ENTREP3: variants seen among roughly 807,000 people sequenced by gnomAD.
The protein encoded by ENTREP3 is protein ENTREP3.
chr1:155,250,364 C>T, the ENTREP3 span: 9 of 1,546,056 alleles, frequency 5.8e-6, no homozygotes, highest in Non-Finnish European at 7.9e-6. This position sits in a 1 kb window ranked among gnomAD's most constrained non-coding sequence, Gnocchi z 5.4. Flanking sequence ...GAGGCCGGTG[C>T]CCCGGTGGGG....
At chr1:155,247,990 A>G in the ENTREP3 span, 27 of 1,611,158 alleles carry the variant, frequency 1.7e-5, no homozygotes, top group Non-Finnish European at 2.1e-5. Context: ...ATCATCAATA[A>G]GGCTCAATCT....
At chr1:155,250,136 G>C in the ENTREP3 span, 1 of 643,586 alleles carries the variant, frequency 1.6e-6, no homozygotes, top group Admixed American at 3.4e-5. The surrounding 1 kb of genome is among the most constrained non-coding windows in gnomAD (Gnocchi z 5.4). Flanking sequence ...TACCTGAGAA[G>C]TGTCTACCAG....
At chr1:155,254,214 G>T in the ENTREP3 span, 1 of 1,588,810 alleles carries the variant, frequency 6.3e-7, no homozygotes, top group Non-Finnish European at 8.6e-7. The surrounding 1 kb of genome is among the most constrained non-coding windows in gnomAD (Gnocchi z 4.4). Flanking sequence ...ACAGGGTGCA[G>T]ACTCAGGGCT....
the ENTREP3 span, chr1:155,251,480 C>T: frequency 6.3e-7 from 1 of 1,586,068 alleles, no homozygotes; most frequent in Non-Finnish European, 8.6e-7. Context: ...CCAGCCCGCC[C>T]CAAGCCGTGC....
At chr1:155,250,648 A>G in the ENTREP3 span, 16 of 1,611,904 alleles carry the variant, frequency 9.9e-6, no homozygotes, top group South Asian at 1.8e-4. The surrounding 1 kb of genome is among the most constrained non-coding windows in gnomAD (Gnocchi z 5.4). Context: ...CGCAGGCCAC[A>G]GTCCAGGCTG....
chr1:155,254,478 G>C, the ENTREP3 span: 20 of 1,613,890 alleles, frequency 1.2e-5, no homozygotes, highest in Non-Finnish European at 1.7e-5. The surrounding 1 kb of genome is among the most constrained non-coding windows in gnomAD (Gnocchi z 4.4). Flanking sequence ...GTGGGCACAG[G>C]CTCAGCCTGG....
At chr1:155,253,789 G>C in the ENTREP3 span, 23 of 1,609,484 alleles carry the variant, frequency 1.4e-5, no homozygotes, top group Admixed American at 3.3e-4. Flanking sequence ...ACACATTATG[G>C]GCCTGTGAGT....
At chr1:155,252,072 G>A in the ENTREP3 span, 11 of 521,766 alleles carry the variant, frequency 2.1e-5, no homozygotes, top group Admixed American at 4.1e-5. Flanking sequence ...TTAACCCCAC[G>A]CTCACCCTGT....
chr1:155,248,396 A>G, the ENTREP3 span: 3 of 1,614,032 alleles, frequency 1.9e-6, no homozygotes, highest in Admixed American at 5.0e-5. Flanking sequence ...CGCAAACCAC[A>G]TGCCTGACCT....
chr1:155,254,732 A>C, the ENTREP3 span: 2 of 1,613,636 alleles, frequency 1.2e-6, no homozygotes, highest in African/African-American at 2.7e-5. The surrounding 1 kb of genome is among the most constrained non-coding windows in gnomAD (Gnocchi z 4.4). Flanking sequence ...GCTGAAGGTG[A>C]CCACCAGGAT....
At chr1:155,248,056 A>T in the ENTREP3 span, 1 of 1,614,226 alleles carries the variant, frequency 6.2e-7, no homozygotes, top group Non-Finnish European at 8.5e-7. Flanking sequence ...CTACCTGCTT[A>T]TGTCCATGAG....
the ENTREP3 span, chr1:155,248,581 C>T: frequency 5.9e-6 from 5 of 850,610 alleles, no homozygotes; most frequent in Non-Finnish European, 9.9e-6. Context: ...AGCTCCCACG[C>T]TCCATCCCCA....
At chr1:155,248,060 C>G in the ENTREP3 span, 9 of 1,614,250 alleles carry the variant, frequency 5.6e-6, no homozygotes, top group Non-Finnish European at 7.6e-6. Context: ...CTGCTTATGT[C>G]CATGAGCTCC....
the ENTREP3 span, chr1:155,254,325 C>T: frequency 6.4e-7 from 1 of 1,563,850 alleles, no homozygotes; most frequent in Non-Finnish European, 8.8e-7. The surrounding 1 kb of genome is among the most constrained non-coding windows in gnomAD (Gnocchi z 4.4). Flanking sequence ...CAGTTCCCTT[C>T]TTGAGGACAT....
At chr1:155,248,008 C>T in the ENTREP3 span, 5 of 1,613,642 alleles carry the variant, frequency 3.1e-6, no homozygotes, top group Non-Finnish European at 4.2e-6. Context: ...TCTGAAGCTC[C>T]ACGCTTTCCC....
At chr1:155,248,554 C>A in the ENTREP3 span, 1 of 1,252,570 alleles carries the variant, frequency 8.0e-7, no homozygotes, top group Non-Finnish European at 1.2e-6. Context: ...GGAACTCAAG[C>A]CCAGAGGAGC....
chr1:155,252,044 AC>A, the ENTREP3 span: 4 of 597,888 alleles, frequency 6.7e-6, no homozygotes, highest in South Asian at 2.8e-5. Context: ...CCCCTCCCTC[AC>A]CCAAAATCAG....
the ENTREP3 span, chr1:155,251,660 C>G: frequency 6.2e-7 from 1 of 1,605,884 alleles, no homozygotes; most frequent in Non-Finnish European, 8.5e-7. Flanking sequence ...ACAAAGATCC[C>G]TCTCTCCAGC....
chr1:155,253,908 A>T, the ENTREP3 span: 1 of 1,612,786 alleles, frequency 6.2e-7, no homozygotes. Context: ...GGCAACTTTC[A>T]GTTCCTGCCC....
Sources: allele counts gnomAD v4.1 joint callset, GRCh38; gene constraint gnomAD v4.1.1; non-coding constraint Gnocchi (gnomAD v3.1); transcripts MANE v1.5; gene names NCBI Gene and HGNC (gene_info 2026-07-23, HGNC 2026-07-21).